HYCC1: variants seen among roughly 807,000 people sequenced by gnomAD.
The protein encoded by HYCC1 is hyccin PI4KA lipid kinase complex subunit 1.
At chr7:22,952,199 A>AC in the HYCC1 span, among the ~76,000 whole-genome samples, 8 of 152,138 alleles carry the variant, frequency 5.3e-5, no homozygotes, top group Non-Finnish European at 1.0e-4. Context: ...AACCAAGTAA[A>AC]CAAGATAATT....
At chr7:22,948,197 A>G in the HYCC1 span, among the ~76,000 whole-genome samples, 1 of 152,112 alleles carries the variant, frequency 6.6e-6, no homozygotes, top group Non-Finnish European at 1.5e-5. Context: ...CAAAGTTCAA[A>G]GCAACATAAG....
the HYCC1 span, among the ~76,000 whole-genome samples, chr7:23,008,751 T>C: frequency 6.6e-6 from 1 of 151,978 alleles, no homozygotes; most frequent in African/African-American, 2.4e-5. Flanking sequence ...TATACACACA[T>C]GATTTGGTAT....
At chr7:22,970,591 C>T in the HYCC1 span, among the ~76,000 whole-genome samples, 1 of 152,152 alleles carries the variant, frequency 6.6e-6, no homozygotes, top group Non-Finnish European at 1.5e-5. Context: ...ATGATGGTCA[C>T]GGAAAGCCTC....
chr7:23,004,072 T>C, the HYCC1 span, among the ~76,000 whole-genome samples: 1 of 152,230 alleles, frequency 6.6e-6, no homozygotes, highest in South Asian at 2.1e-4. Context: ...TAGCAGAGGC[T>C]GAAATATAAA....
the HYCC1 span, among the ~76,000 whole-genome samples, chr7:22,913,763 G>T: frequency 2.6e-5 from 4 of 152,170 alleles, no homozygotes; most frequent in South Asian, 8.3e-4. Flanking sequence ...ACACCTAGGT[G>T]AAATAAACAG....
the HYCC1 span, among the ~76,000 whole-genome samples, chr7:23,010,897 T>C: frequency 1.3e-5 from 2 of 152,218 alleles, no homozygotes; most frequent in African/African-American, 4.8e-5. Flanking sequence ...AAAGTCTCAC[T>C]TAAGCATGTC....
At chr7:22,904,868 C>CT in the HYCC1 span, among the ~76,000 whole-genome samples, 1 of 126,592 alleles carries the variant, frequency 7.9e-6, no homozygotes, top group Non-Finnish European at 1.7e-5. Context: ...GAGACTTTGT[C>CT]TCAAAAAAAA....
At chr7:22,907,757 C>T in the HYCC1 span, among the ~76,000 whole-genome samples, 20 of 152,066 alleles carry the variant, frequency 1.3e-4, no homozygotes, top group Non-Finnish European at 2.6e-4. Context: ...TAAAAAAATA[C>T]AAAAGTTAGC....
chr7:23,005,299 G>A, the HYCC1 span, among the ~76,000 whole-genome samples: 2 of 152,134 alleles, frequency 1.3e-5, no homozygotes, highest in Admixed American at 1.3e-4. Context: ...CCTCAACTGT[G>A]AATGATAGAT....
the HYCC1 span, among the ~76,000 whole-genome samples, chr7:22,991,779 T>C: frequency 9.2e-5 from 14 of 152,130 alleles, no homozygotes; most frequent in African/African-American, 2.7e-4. Flanking sequence ...ACAACGTATT[T>C]TTCTTTACCT....
the HYCC1 span, chr7:22,978,165 G>A: frequency 9.7e-7 from 1 of 1,030,188 alleles, no homozygotes; most frequent in South Asian, 1.3e-5. Flanking sequence ...GTCATTTGGT[G>A]TATGAAAAAA....
chr7:22,960,880 T>C, the HYCC1 span, among the ~76,000 whole-genome samples: 1 of 151,938 alleles, frequency 6.6e-6, no homozygotes, highest in Admixed American at 6.6e-5. Flanking sequence ...ATAAATCCTG[T>C]CTCTACTAAA....
chr7:23,010,229 T>C, the HYCC1 span, among the ~76,000 whole-genome samples: 1 of 152,198 alleles, frequency 6.6e-6, no homozygotes, highest in African/African-American at 2.4e-5. Flanking sequence ...CAGGAATGTC[T>C]TCCTTTCTTA....
the HYCC1 span, among the ~76,000 whole-genome samples, chr7:22,953,173 G>A: frequency 6.6e-5 from 10 of 151,786 alleles, no homozygotes; most frequent in African/African-American, 2.2e-4. Flanking sequence ...ACATACGGCC[G>A]CTGCAGGACC....
At chr7:22,898,589 C>CTT in the HYCC1 span, among the ~76,000 whole-genome samples, 2 of 56,638 alleles carry the variant, frequency 3.5e-5, no homozygotes, top group African/African-American at 1.2e-4. Context: ...CTTTTCTTTT[C>CTT]TTTTCTTTTC....
At chr7:22,915,915 G>A in the HYCC1 span, among the ~76,000 whole-genome samples, 3 of 151,894 alleles carry the variant, frequency 2.0e-5, no homozygotes, top group African/African-American at 7.3e-5. Flanking sequence ...CTATTCCTAG[G>A]CTACAACCAC....
At chr7:22,964,607 C>T in the HYCC1 span, 1 of 788,500 alleles carries the variant, frequency 1.3e-6, no homozygotes, top group African/African-American at 1.7e-5. Context: ...TATAAGCCAA[C>T]AATGTACTAG....
At chr7:22,990,038 A>C in the HYCC1 span, among the ~76,000 whole-genome samples, 1 of 152,224 alleles carries the variant, frequency 6.6e-6, no homozygotes, top group African/African-American at 2.4e-5. Flanking sequence ...AGTCACTTTG[A>C]CATAGAGAAG....
At chr7:22,974,833 G>A in the HYCC1 span, among the ~76,000 whole-genome samples, 2 of 152,200 alleles carry the variant, frequency 1.3e-5, no homozygotes, top group Non-Finnish European at 1.5e-5. Flanking sequence ...TCATGGGGTT[G>A]GGTTTTCCCA....
Sources: allele counts gnomAD v4.1 joint callset (sites outside exome capture counted in the v4.1 genomes callset), GRCh38; gene constraint gnomAD v4.1.1; transcripts MANE v1.5; gene names NCBI Gene and HGNC (gene_info 2026-07-23, HGNC 2026-07-21).